SLC24A3: variants seen among roughly 807,000 people sequenced by gnomAD.
SLC24A3 encodes the protein sodium/potassium/calcium exchanger 3.
In SLC24A3, 28 loss-of-function variants were observed where a neutral mutation model predicts 75.8. That is an observed-to-expected ratio of 0.37 (90% CI 0.27 to 0.51). The LOEUF (loss-of-function observed/expected upper bound fraction) is 0.51. Ranked by LOEUF, SLC24A3 falls within the 20% of genes least tolerant of loss-of-function variation. The pLI is 0.94. For missense variants in SLC24A3, 663 were observed against 847.8 expected (o/e 0.78, Z 2.71); for synonymous variants, 372 against 334.1 (o/e 1.11, Z -1.24).
intron 2 of SLC24A3, among the ~76,000 whole-genome samples, chr20:19,442,605 GTTCT>G (rs1464425502): frequency 6.6e-6 from 1 of 151,680 alleles, no homozygotes; most frequent in Non-Finnish European, 1.5e-5. Flanking sequence ...TTGCTTACTA[GTTCT>G]TTATCAAATA....
chr20:19,251,782 A>C (rs1215731909), intron 1 of SLC24A3, among the ~76,000 whole-genome samples: 1 of 152,122 alleles, frequency 6.6e-6, no homozygotes, highest in Non-Finnish European at 1.5e-5. Context: ...AGGAGCTGGG[A>C]GACTCCAGCC....
At chr20:19,240,840 G>A (rs879333385) in intron 1 of SLC24A3, among the ~76,000 whole-genome samples, 2 of 152,122 alleles carry the variant, frequency 1.3e-5, no homozygotes, top group Admixed American at 6.5e-5. Context: ...GCTGCCCCTC[G>A]CATGGGGCAG....
intron 2 of SLC24A3, among the ~76,000 whole-genome samples, chr20:19,317,448 T>G (rs887110560): frequency 2.6e-5 from 4 of 152,236 alleles, no homozygotes; most frequent in African/African-American, 9.6e-5. Context: ...GCAAGATGAC[T>G]CCCCTGTGAC....
intron 2 of SLC24A3, 97 bp from the exon 3 acceptor site, chr20:19,515,391 A>G (rs1180417669): frequency 3.6e-6 from 4 of 1,118,136 alleles, no homozygotes; most frequent in Non-Finnish European, 4.0e-6. Context: ...TTTTCATCCA[A>G]GTTCATGGAC....
At chr20:19,613,905 T>C (rs577208749) in intron 6 of SLC24A3, among the ~76,000 whole-genome samples, 1 of 152,346 alleles carries the variant, frequency 6.6e-6, no homozygotes, top group African/African-American at 2.4e-5. Flanking sequence ...CACCACCCTG[T>C]TCTATATTAA....
At chr20:19,649,471 C>T (rs982729066) in intron 6 of SLC24A3, among the ~76,000 whole-genome samples, 16 of 152,166 alleles carry the variant, frequency 1.1e-4, no homozygotes. Context: ...GAATATATCC[C>T]TTCCATATCT....
rs1438726502 is a variant in SLC24A3 at position 19,414,849 on chromosome 20, T to C, written c.272-100639T>C. On this transcript the variant is annotated intron_variant, in intron 2 of 16. Coordinates refer to ENST00000328041, the MANE Select transcript of SLC24A3 (RefSeq NM_020689.4). ...CCTGTAAATTACATAATGCATCATATCACGTTTCCCTTTCTGCCTTGGCTG... is the reference window on the plus strand; with the variant it reads ...CCTGTAAATTACATAATGCATCATACCACGTTTCCCTTTCTGCCTTGGCTG... 3.3e-5 allele frequency among the ~76,000 whole-genome samples: 5 copies of C among 152,298 alleles called. No homozygotes were observed. In the East Asian group the frequency reaches 5.8e-4, roughly 18 times the overall value.
chr20:19,543,083 T>A (rs566223257), intron 3 of SLC24A3, among the ~76,000 whole-genome samples: 24 of 152,294 alleles, frequency 1.6e-4, no homozygotes, highest in Non-Finnish European at 3.4e-4. Flanking sequence ...ATTATAATGA[T>A]CATGGCCTTG....
Position 19,721,807 on chromosome 20 carries a change from A to T in SLC24A3, c.*667A>T, listed in dbSNP as rs1200072193. 2 of 152,658 alleles carry T rather than the reference A, an allele frequency of 1.3e-5. No homozygotes were observed. Among genetic ancestry groups the T allele is most frequent in the Admixed American group, 1.3e-4 (2 of 15,270 alleles). 9.5% of individuals were successfully genotyped at this position (152,658 alleles called of 1,614,324 possible). On this transcript the variant is annotated 3_prime_UTR_variant, in exon 17 of 17. Coordinates refer to ENST00000328041, the MANE Select transcript of SLC24A3 (RefSeq NM_020689.4). Reference sequence around the variant, plus strand: ...TATGCATGGATGTAGTGCTTTTTAGAGGAGCCACTGGGCAAGGCCACCAAG... The same window carrying T: ...TATGCATGGATGTAGTGCTTTTTAGTGGAGCCACTGGGCAAGGCCACCAAG...
At chr20:19,664,738 G>T (rs114569896) in intron 7 of SLC24A3, among the ~76,000 whole-genome samples, 1 of 152,212 alleles carries the variant, frequency 6.6e-6, no homozygotes, top group Non-Finnish European at 1.5e-5. Context: ...AGGAAAGGCC[G>T]CTCTGAGACG....
chr20:19,406,213 CGT>C (rs34771093), intron 2 of SLC24A3, among the ~76,000 whole-genome samples: 43 of 145,922 alleles, frequency 2.9e-4, no homozygotes, highest in Non-Finnish European at 4.7e-4. Context: ...TGTGTGCGTG[CGT>C]GTGTGTGTGT....
intron 2 of SLC24A3, among the ~76,000 whole-genome samples, chr20:19,290,495 C>T (rs1600413821): frequency 6.6e-6 from 1 of 152,306 alleles, no homozygotes; most frequent in African/African-American, 2.4e-5. Context: ...AGAAAGCCCT[C>T]ACCCCTTCCA....
At chr20:19,574,291 T>A (rs2031097407) in intron 3 of SLC24A3, among the ~76,000 whole-genome samples, 1 of 152,236 alleles carries the variant, frequency 6.6e-6, no homozygotes, top group Non-Finnish European at 1.5e-5. Flanking sequence ...TCTTGGAAGT[T>A]ACTCGTTATT....
intron 16 of SLC24A3, 72 bp downstream of exon 16, chr20:19,717,665 G>A (rs1463669599): frequency 6.5e-7 from 1 of 1,542,668 alleles, no homozygotes; most frequent in South Asian, 1.1e-5. Context: ...TTGGAGACCA[G>A]ATGAGCTTGG....
intron 3 of SLC24A3, among the ~76,000 whole-genome samples, chr20:19,551,452 T>A (rs1006609774): frequency 4.6e-5 from 7 of 152,148 alleles, no homozygotes; most frequent in African/African-American, 1.7e-4. Context: ...CTCCAAATAT[T>A]AAAACAGAAG....
chr20:19,538,123 T>C (rs2030433771), intron 3 of SLC24A3, among the ~76,000 whole-genome samples: 1 of 152,120 alleles, frequency 6.6e-6, no homozygotes, highest in East Asian at 1.9e-4. Flanking sequence ...CACGGTGTGG[T>C]TTCCATTGGT....
At chr20:19,668,842 T>C (rs889294293) in intron 8 of SLC24A3, among the ~76,000 whole-genome samples, 3 of 152,198 alleles carry the variant, frequency 2.0e-5, no homozygotes, top group African/African-American at 4.8e-5. Flanking sequence ...TGGCTCTGCA[T>C]TTCCCCTGGC....
intron 2 of SLC24A3, among the ~76,000 whole-genome samples, chr20:19,496,073 C>T (rs973457870): frequency 1.7e-4 from 26 of 152,334 alleles, no homozygotes; most frequent in Middle Eastern, 3.4e-3. Flanking sequence ...TCAGTGCAGA[C>T]GAGTCAGACA....
intron 1 of SLC24A3, among the ~76,000 whole-genome samples, chr20:19,215,930 A>G (rs1340405156): frequency 6.6e-6 from 1 of 152,244 alleles, no homozygotes; most frequent in East Asian, 1.9e-4. Flanking sequence ...GTCAGGAAGA[A>G]TTAGTGCTGG....
Sources: allele counts gnomAD v4.1 joint callset (sites outside exome capture counted in the v4.1 genomes callset), GRCh38; gene constraint gnomAD v4.1.1; transcripts MANE v1.5; gene names NCBI Gene and HGNC (gene_info 2026-07-23, HGNC 2026-07-21).